The following SLC12A2 variants were observed in gnomAD, a reference collection of about 807,000 sequenced individuals.
SLC12A2 encodes the protein solute carrier family 12 member 2.
SLC12A2 carries 67 observed loss-of-function variants against 136.3 expected under a neutral mutation model. That is an observed-to-expected ratio of 0.49 (90% CI 0.40 to 0.60). The LOEUF (loss-of-function observed/expected upper bound fraction) is 0.60, where lower values mean the gene tolerates loss of function less well. Ranked by LOEUF, SLC12A2 falls within the 20% of genes least tolerant of loss-of-function variation. SLC12A2 has a pLI of 0.00. For missense variants in SLC12A2, 1,322 were observed against 1,534.7 expected, an observed-to-expected ratio of 0.86 and a Z score of 2.32; for synonymous variants, 619 against 562.9, an observed-to-expected ratio of 1.10 and a Z score of -1.41.
At chr5:128,133,683 A>G (rs543010997) in intron 5 of SLC12A2, among the ~76,000 whole-genome samples, 2 of 152,204 alleles carry the variant, frequency 1.3e-5, no homozygotes, top group South Asian at 2.1e-4. Context: ...TAAAAATGCC[A>G]TTGATATTAA....
rs201256664 is a variant in SLC12A2 at position 128,084,568 on chromosome 5, C to T, written c.614C>T (p.Thr205Ile). Residue 205 changes from threonine (T) to isoleucine (I), a missense_variant, in exon 1 of 27, where the codon ACC (threonine) becomes ATC (isoleucine). Physicochemically the swap from Thr to Ile is moderately conservative, Grantham distance 89. Around this residue, in one of 8 missense-constraint regions of SLC12A2, gnomAD observed 32 missense variants for 63.6 expected, o/e 0.50. Transcript: ENST00000262461. This position sits in a 1 kb window ranked among gnomAD's most constrained non-coding sequence, Gnocchi z 5.6. ...CAGCACTACTATTATGATACCCACA[C>T]CAACACCTACTACCTGCGCACCTTC... ...HHQHYYYDTH[T>I]NTYYLRTFGH... is the part of the protein sequence containing the mutation. 20 of 1,613,624 alleles carry T rather than the reference C, an allele frequency of 1.2e-5. No individual in the cohort carries two copies. The Admixed American group carries it at 3.0e-4, about 24-fold the overall frequency.
chr5:128,151,322 T>C lies in SLC12A2; in HGVS notation c.2189T>C (p.Ile730Thr). 6.2e-7 allele frequency: 1 copy of C among 1,612,864 alleles called. No homozygotes were observed. The highest frequency in any genetic ancestry group is 8.5e-7 in the Non-Finnish European group (1 of 1,179,424). Residue 730 changes from isoleucine (I) to threonine (T), a missense_variant, in exon 14 of 27, where the codon ATT becomes ACT. Ile to Thr is a moderately conservative substitution (Grantham distance 89). Coordinates refer to ENST00000262461, the MANE Select transcript of SLC12A2 (RefSeq NM_001046.3). Reference sequence around the variant, plus strand: ...CTTTGTTGCATAGTAATGTTCGTCATTAACTGGTGGGCTGCATTGCTAACA... The same window carrying C: ...CTTTGTTGCATAGTAATGTTCGTCACTAACTGGTGGGCTGCATTGCTAACA... ...AILCCIVMFV[I>T]NWWAALLTYV...
rs756945625 is a variant in SLC12A2 at position 128,134,221 on chromosome 5, T to C, written c.1245T>C (p.Ile415=). 6.2e-6 allele frequency: 10 copies of C among 1,608,878 alleles called. No homozygotes were observed. The highest frequency in any genetic ancestry group is 1.7e-5 in the Admixed American group (1 of 59,994). The change falls in exon 6 of 27, where the codon ATT becomes ATC. Residue 415 remains isoleucine (I), a synonymous_variant. Coordinates refer to ENST00000262461, the MANE Select transcript of SLC12A2 (RefSeq NM_001046.3). ...EINDIRIIGA[I]TVVILLGISV... is the part of the protein sequence containing the mutation. Reference sequence around the variant, plus strand: ...ATGATATCCGAATTATTGGAGCCATTACAGTCGTGATTCTTTTAGGTATCT... The same window carrying C: ...ATGATATCCGAATTATTGGAGCCATCACAGTCGTGATTCTTTTAGGTATCT...
At chr5:128,119,587 G>A (rs373907815) in intron 4 of SLC12A2, among the ~76,000 whole-genome samples, 10 of 152,066 alleles carry the variant, frequency 6.6e-5, no homozygotes, top group African/African-American at 2.4e-4. Context: ...CTATATCTCT[G>A]TTTTGGTACC....
In SLC12A2 at chr5:128,084,739, C is replaced by T. The variant is rs760991680; in HGVS notation, c.756+29C>T. ...AGCTCGCCCAGCCCTCCCTTCTTCCCCAGCCCCTGGTGCATGCCGACCGCG... is the reference window on the plus strand; with the variant it reads ...AGCTCGCCCAGCCCTCCCTTCTTCCTCAGCCCCTGGTGCATGCCGACCGCG... On this transcript the variant is annotated intron_variant, in intron 1 of 26. Coordinates refer to ENST00000262461, the MANE Select transcript of SLC12A2 (RefSeq NM_001046.3). The surrounding 1 kb of genome is among the most constrained non-coding windows in gnomAD (Gnocchi z 5.6). 4.6e-6 allele frequency: 7 copies of T among 1,529,352 alleles called. No homozygotes were observed. Among genetic ancestry groups the T allele is most frequent in the Non-Finnish European group, 6.2e-6 (7 of 1,134,906 alleles). The allele number at this position is 1,529,352 out of a possible 1,614,324, so 94.7% of individuals were successfully genotyped here.
At chr5:128,160,326 C>A (rs934494158) in intron 16 of SLC12A2, among the ~76,000 whole-genome samples, 1 of 151,980 alleles carries the variant, frequency 6.6e-6, no homozygotes, top group African/African-American at 2.4e-5. Flanking sequence ...CACCATGGCA[C>A]CTATATACCT....
intron 4 of SLC12A2, among the ~76,000 whole-genome samples, chr5:128,124,489 C>G (rs1171322604): frequency 6.6e-6 from 1 of 152,060 alleles, no homozygotes; most frequent in East Asian, 1.9e-4. Context: ...AAAATGGCTC[C>G]TAGAACTTAA....
chr5:128,123,478 G>A (rs1761665977), intron 4 of SLC12A2, among the ~76,000 whole-genome samples: 1 of 151,992 alleles, frequency 6.6e-6, no homozygotes. Context: ...TTCCGTATCT[G>A]TATCCTCACC....
At chr5:128,158,796 G>A (rs1309302381) in intron 16 of SLC12A2, among the ~76,000 whole-genome samples, 3 of 151,616 alleles carry the variant, frequency 2.0e-5, no homozygotes, top group African/African-American at 7.3e-5. Context: ...CATAGTGGCT[G>A]AAGTAATTTA....
At chr5:128,134,020 A>G in intron 5 of SLC12A2, 145 bp from the exon 6 acceptor site, 1 of 508,556 alleles carries the variant, frequency 2.0e-6, no homozygotes. Flanking sequence ...TTGTTCCTTT[A>G]GGTCTTCCAT....
chr5:128,119,694 T>A (rs1247437569), intron 4 of SLC12A2, among the ~76,000 whole-genome samples: 1 of 152,154 alleles, frequency 6.6e-6, no homozygotes, highest in Non-Finnish European at 1.5e-5. Flanking sequence ...CCTTACACCT[T>A]ATAAAAAATT....
At chr5:128,141,704 T>C in intron 9 of SLC12A2, 126 bp from the exon 10 acceptor site, 1 of 606,610 alleles carries the variant, frequency 1.6e-6, no homozygotes. Flanking sequence ...ATGCAATGTA[T>C]GCTATTATAA....
intron 23 of SLC12A2, among the ~76,000 whole-genome samples, chr5:128,182,199 A>G (rs1422429291): frequency 6.6e-6 from 1 of 152,130 alleles, no homozygotes; most frequent in African/African-American, 2.4e-5. Flanking sequence ...TCATATCTCA[A>G]TTTAAAAACA....
At chr5:128,107,260 C>A (rs1221851936) in intron 1 of SLC12A2, among the ~76,000 whole-genome samples, 1 of 152,058 alleles carries the variant, frequency 6.6e-6, no homozygotes, top group Non-Finnish European at 1.5e-5. Context: ...GTCCCCTAGT[C>A]ATATTTTTTT....
intron 23 of SLC12A2, among the ~76,000 whole-genome samples, chr5:128,181,559 A>G (rs1403908892): frequency 2.0e-5 from 3 of 152,222 alleles, no homozygotes; most frequent in Non-Finnish European, 4.4e-5. Context: ...AAGGTAAGAC[A>G]TGGGTACTCA....
At chr5:128,131,443 C>T (rs372442605) in intron 5 of SLC12A2, among the ~76,000 whole-genome samples, 1 of 151,372 alleles carries the variant, frequency 6.6e-6, no homozygotes, top group East Asian at 2.0e-4. Context: ...GCGAGCGGAT[C>T]ACGAGGTCAG....
chr5:128,091,023 G>C (rs1760295000), intron 1 of SLC12A2, among the ~76,000 whole-genome samples: 1 of 152,162 alleles, frequency 6.6e-6, no homozygotes, highest in African/African-American at 2.4e-5. Flanking sequence ...GTTGTGTAGA[G>C]AATATACTGT....
intron 22 of SLC12A2, among the ~76,000 whole-genome samples, chr5:128,180,114 CA>C (rs904684656): frequency 2.6e-5 from 4 of 151,520 alleles, no homozygotes; most frequent in African/African-American, 9.7e-5. Context: ...GGACTACAGG[CA>C]CCTGCCACCA....
chr5:128,084,811 G>C lies in SLC12A2; in HGVS notation c.756+101G>C, dbSNP rs1368791183. 2 of 1,264,534 alleles carry C rather than the reference G, an allele frequency of 1.6e-6. No homozygotes were observed. The highest frequency in any genetic ancestry group is 3.0e-5 in the African/African-American group (2 of 66,350). 78.3% of individuals were successfully genotyped at this position (1,264,534 alleles called of 1,614,324 possible). A position where few individuals can be genotyped will look rare whatever the true frequency, so the allele number is the denominator to read the frequency against. On this transcript the variant is annotated intron_variant, in intron 1 of 26. Coordinates refer to ENST00000262461, the MANE Select transcript of SLC12A2 (RefSeq NM_001046.3). This position sits in a 1 kb window ranked among gnomAD's most constrained non-coding sequence, Gnocchi z 5.6. ...CCGAGTTGAGGTGGCGGGAGTAGTA[G>C]ACGTGCACGACTTGCTGGCATCTCT...
Sources: allele counts gnomAD v4.1 joint callset (sites outside exome capture counted in the v4.1 genomes callset), GRCh38; gene constraint gnomAD v4.1.1; regional missense constraint gnomAD v4.1.1; non-coding constraint Gnocchi (gnomAD v3.1); transcripts MANE v1.5; gene names NCBI Gene and HGNC (gene_info 2026-07-23, HGNC 2026-07-21).